The following PCDHGA11 variants were observed in gnomAD, a reference collection of about 807,000 sequenced individuals.
The protein encoded by PCDHGA11 is protocadherin gamma subfamily A, 11.
PCDHGA11 carries 39 observed loss-of-function variants against 60.4 expected under a neutral mutation model. The observed-to-expected ratio is 0.65, with a 90% CI of 0.50 to 0.84. The LOEUF (loss-of-function observed/expected upper bound fraction) is 0.84, where lower values mean the gene tolerates loss of function less well. PCDHGA11 is among the 40% of genes least tolerant of loss of function. PCDHGA11 has a pLI of 0.00. For missense variants in PCDHGA11, 1,165 were observed against 1,197.7 expected (o/e 0.97, Z 0.40); for synonymous variants, 533 against 510.3 (o/e 1.04, Z -0.60).
rs780541121 is a variant in PCDHGA11 at position 141,477,533 on chromosome 5, G to A, written c.2434-17274G>A. ...TTACATTGAAGAAAACAACCTCCCCGGGGCTCCAATACTAAACCTAAGTGT... is the reference window on the plus strand; with the variant it reads ...TTACATTGAAGAAAACAACCTCCCCAGGGCTCCAATACTAAACCTAAGTGT... On this transcript the variant is annotated intron_variant, in intron 1 of 3. Coordinates refer to ENST00000398587, the MANE Select transcript of PCDHGA11 (RefSeq NM_018914.3). This position sits in a 1 kb window ranked among gnomAD's most constrained non-coding sequence, Gnocchi z 4.9. The A allele has an allele frequency of 6.2e-7, 1 of 1,614,010 alleles. No individual in the cohort carries two copies. The highest frequency in any genetic ancestry group is 1.1e-5 in the South Asian group (1 of 91,066).
At chr5:141,445,805 A>G (rs2098478274) in intron 1 of PCDHGA11, among the ~76,000 whole-genome samples, 2 of 152,236 alleles carry the variant, frequency 1.3e-5, no homozygotes, top group South Asian at 4.1e-4. Flanking sequence ...GAAAATAAAT[A>G]GATGAAACTA....
At chr5:141,507,724 G>A (rs2099862962) in intron 3 of PCDHGA11, among the ~76,000 whole-genome samples, 1 of 152,256 alleles carries the variant, frequency 6.6e-6, no homozygotes. Context: ...CTCCAAGCAA[G>A]TCATGCAGCT....
Position 141,425,378 on chromosome 5 carries a change from C to T in PCDHGA11, c.2433+1718C>T, listed in dbSNP as rs372445707. Among the ~76,000 whole-genome samples the T allele has an allele frequency of 1.6e-4, 25 of 152,174 alleles. 1 individual carries two copies. The highest frequency in any genetic ancestry group is 3.9e-4 in the African/African-American group (16 of 41,522). On this transcript the variant is annotated intron_variant, in intron 1 of 3. Transcript: ENST00000398587. ...TGATATTAAGAGGGTTATGTTGATTCGGAGGTAGTGATAAAGTTCTGTTAA... is the reference window on the plus strand; with the variant it reads ...TGATATTAAGAGGGTTATGTTGATTTGGAGGTAGTGATAAAGTTCTGTTAA...
intron 1 of PCDHGA11, among the ~76,000 whole-genome samples, chr5:141,455,082 G>A (rs1323760148): frequency 1.3e-5 from 2 of 151,932 alleles, no homozygotes; most frequent in African/African-American, 2.4e-5. Context: ...AAAGTGCTGG[G>A]ATTACAGGCT....
rs141514361 is a variant in PCDHGA11, at chr5:141,494,629, A to G, written c.2434-178A>G. 4,666 of 858,664 alleles carry G rather than the reference A, an allele frequency of 5.4e-3. 23 individuals are homozygous for G. Among genetic ancestry groups the G allele is most frequent in the Admixed American group, 0.011 (170 of 16,094 alleles). 53.2% of individuals were successfully genotyped at this position (858,664 alleles called of 1,614,324 possible). On this transcript the variant is annotated intron_variant, in intron 1 of 3. Coordinates refer to ENST00000398587, the MANE Select transcript of PCDHGA11 (RefSeq NM_018914.3). ...TATCTCTTGGTTTCTGGTACCTCAGACCTCTGAGACCTGAGGTGTATTTTG... is the reference window on the plus strand; with the variant it reads ...TATCTCTTGGTTTCTGGTACCTCAGGCCTCTGAGACCTGAGGTGTATTTTG...
chr5:141,489,220 C>G lies in PCDHGA11; in HGVS notation c.2434-5587C>G. The G allele has an allele frequency of 6.6e-7, 1 of 1,508,698 alleles. No individual in the cohort carries two copies. Among genetic ancestry groups the G allele is most frequent in the South Asian group, 1.3e-5 (1 of 75,604 alleles). The allele number at this position is 1,508,698 out of a possible 1,614,324, so 93.5% of individuals were successfully genotyped here. A position where few individuals can be genotyped will look rare whatever the true frequency, so the allele number is the denominator to read the frequency against. ...AGACAGGACAGCACAGACTTACTCT[C>G]CACAAAGGGACTTCTGGGTCATGGG... On this transcript the variant is annotated intron_variant, in intron 1 of 3. Transcript: ENST00000398587. The surrounding 1 kb of genome is among the most constrained non-coding windows in gnomAD (Gnocchi z 4.5).
intron 1 of PCDHGA11, among the ~76,000 whole-genome samples, chr5:141,443,486 A>AAAAC (rs1345310906): frequency 6.6e-6 from 1 of 152,166 alleles, no homozygotes; most frequent in Non-Finnish European, 1.5e-5. Flanking sequence ...ACCCTGTCCC[A>AAAAC]AAACAAACAA....
chr5:141,505,589 C>T, intron 3 of PCDHGA11, 108 bp downstream of exon 3: 1 of 1,573,272 alleles, frequency 6.4e-7, no homozygotes, highest in Non-Finnish European at 8.6e-7. Context: ...GTAGTTTCTC[C>T]AGATCTTTCG....
Position 141,489,075 on chromosome 5 carries a change from C to A in PCDHGA11, c.2434-5732C>A. The A allele has an allele frequency of 3.1e-6, 1 of 324,814 alleles. No individual in the cohort carries two copies. The highest frequency in any genetic ancestry group is 5.5e-6 in the Non-Finnish European group (1 of 180,380). The allele number at this position is 324,814 out of a possible 1,614,324, so 20.1% of individuals were successfully genotyped here. A position where few individuals can be genotyped will look rare whatever the true frequency, so the allele number is the denominator to read the frequency against. ...TCAGCTCCCCTCCCCCCTGCCCACCCCCGCCACTCGGTGACTAAGAACTGC... is the reference window on the plus strand; with the variant it reads ...TCAGCTCCCCTCCCCCCTGCCCACCACCGCCACTCGGTGACTAAGAACTGC... On this transcript the variant is annotated intron_variant, in intron 1 of 3. Coordinates refer to ENST00000398587, the MANE Select transcript of PCDHGA11 (RefSeq NM_018914.3). The surrounding 1 kb of genome is among the most constrained non-coding windows in gnomAD (Gnocchi z 4.5).
At chr5:141,465,657 G>T (rs904553709) in intron 1 of PCDHGA11, among the ~76,000 whole-genome samples, 2 of 152,130 alleles carry the variant, frequency 1.3e-5, no homozygotes, top group Non-Finnish European at 2.9e-5. Context: ...CCAAAAAAGC[G>T]CTTGCCATGA....
rs2099394923 is a variant in PCDHGA11 at position 141,476,611 on chromosome 5, A to G, written c.2434-18196A>G. On this transcript the variant is annotated intron_variant, in intron 1 of 3. Coordinates refer to ENST00000398587, the MANE Select transcript of PCDHGA11 (RefSeq NM_018914.3). The surrounding 1 kb of genome is among the most constrained non-coding windows in gnomAD (Gnocchi z 7.6). ...AGAGCGCGCACGATCCCGATGTGGG[A>G]AGCAACTCTTTACAAACCTATGAGC... 6.2e-7 allele frequency: 1 copy of G among 1,614,092 alleles called. No individual in the cohort carries two copies. Among genetic ancestry groups the G allele is most frequent in the Non-Finnish European group, 8.5e-7 (1 of 1,180,042 alleles).
Position 141,431,829 on chromosome 5 carries a change from C to T in PCDHGA11, c.2433+8169C>T, listed in dbSNP as rs758915768. On this transcript the variant is annotated intron_variant, in intron 1 of 3. Transcript: ENST00000398587. The surrounding 1 kb of genome is among the most constrained non-coding windows in gnomAD (Gnocchi z 4.8). ...CTCACCTCTCTCGCCAGCTCGGTTC[C>T]CGAAAACTCTCCCAGAGGGACATTA... The T allele has an allele frequency of 1.9e-6, 3 of 1,613,928 alleles. No individual in the cohort carries two copies. The highest frequency in any genetic ancestry group is 2.2e-5 in the South Asian group (2 of 91,090).
intron 1 of PCDHGA11, chr5:141,428,256 T>A: frequency 1.2e-6 from 1 of 863,822 alleles, no homozygotes; most frequent in Non-Finnish European, 1.9e-6. Flanking sequence ...CAGACTTCAG[T>A]GACAGTCCTG....
chr5:141,433,878 T>C (rs774226497), intron 1 of PCDHGA11, among the ~76,000 whole-genome samples: 15 of 151,848 alleles, frequency 9.9e-5, no homozygotes, highest in Non-Finnish European at 1.5e-4. Flanking sequence ...GTTTCATCCA[T>C]TGATGACACT....
chr5:141,423,569 T>A lies in PCDHGA11; in HGVS notation c.2342T>A (p.Ile781Asn). Residue 781 changes from isoleucine (I) to asparagine (N), a missense_variant, in exon 1 of 4, where the codon ATC becomes AAC. By Grantham distance (149) the Ile-to-Asn change is moderately radical (BLOSUM62 -3). Transcript: ENST00000398587. The part of the protein sequence containing the change: ...FPQPNYGDTL[I>N]SQESCEKSEP... ...CAGCCCAACTATGGGGACACGCTCA[T>A]CAGCCAGGAGAGCTGTGAGAAAAGC... is the stretch of plus-strand genomic sequence containing the variant. 1.2e-6 allele frequency: 2 copies of A among 1,613,480 alleles called. No homozygotes were observed. The highest frequency in any genetic ancestry group is 1.7e-6 in the Non-Finnish European group (2 of 1,179,622).
In PCDHGA11 at chr5:141,434,333, G is replaced by A. The variant is rs200059384; in HGVS notation, c.2433+10673G>A. On this transcript the variant is annotated intron_variant, in intron 1 of 3. Coordinates refer to ENST00000398587, the MANE Select transcript of PCDHGA11 (RefSeq NM_018914.3). The stretch of plus-strand genomic sequence containing the variant: ...TCTTCCTCTTGCTGCTTGTCTCTTT[G>A]TGTCGGGAACAGGCCCCCCAAAATC... Among the ~76,000 whole-genome samples, 23 of 152,220 alleles carry A rather than the reference G, an allele frequency of 1.5e-4. No individual in the cohort carries two copies. In the East Asian group the frequency reaches 4.3e-3, roughly 28 times the overall value.
intron 1 of PCDHGA11, among the ~76,000 whole-genome samples, chr5:141,452,416 C>T (rs2098741061): frequency 6.6e-6 from 1 of 152,144 alleles, no homozygotes; most frequent in African/African-American, 2.4e-5. Context: ...GAGGTATGCT[C>T]ACTGCTAATG....
In PCDHGA11 at chr5:141,489,098, T is replaced by C; in HGVS notation, c.2434-5709T>C. 1 of 293,346 alleles carries C rather than the reference T, an allele frequency of 3.4e-6. No homozygotes were observed. The highest frequency in any genetic ancestry group is 5.5e-5 in the South Asian group (1 of 18,124). The allele number at this position is 293,346 out of a possible 1,614,324, so 18.2% of individuals were successfully genotyped here. A position where few individuals can be genotyped will look rare whatever the true frequency, so the allele number is the denominator to read the frequency against. ...CCCCCGCCACTCGGTGACTAAGAAC[T>C]GCTGCAAGCAGGCAAACCTCCGAGC... On this transcript the variant is annotated intron_variant, in intron 1 of 3. Transcript: ENST00000398587. The surrounding 1 kb of genome is among the most constrained non-coding windows in gnomAD (Gnocchi z 4.5).
chr5:141,487,577 C>A lies in PCDHGA11; in HGVS notation c.2434-7230C>A. 1.2e-6 allele frequency: 2 copies of A among 1,614,150 alleles called. No individual in the cohort carries two copies. Among genetic ancestry groups the A allele is most frequent in the Non-Finnish European group, 1.7e-6 (2 of 1,180,024 alleles). ...ACCTATGGCAGGGGAGCCTGTTCGC[C>A]CAAGCTGCCCACCCTCTGATCTTCT... On this transcript the variant is annotated intron_variant, in intron 1 of 3. Coordinates refer to ENST00000398587, the MANE Select transcript of PCDHGA11 (RefSeq NM_018914.3). The surrounding 1 kb of genome is among the most constrained non-coding windows in gnomAD (Gnocchi z 5.0).
Sources: gnomAD v4.1 joint callset for allele counts (sites outside exome capture counted in the v4.1 genomes callset) on GRCh38, gnomAD v4.1.1 for gene constraint, Gnocchi (gnomAD v3.1) non-coding constraint, MANE v1.5 for transcripts, NCBI Gene and HGNC (gene_info 2026-07-23, HGNC 2026-07-21) for gene names.